Variants in ST3GAL1 observed in about 807,000 individuals in gnomAD.
ST3GAL1 encodes ST3 beta-galactoside alpha-2,3-sialyltransferase 1.
ST3GAL1 carries 16 observed loss-of-function variants against 34.1 expected under a neutral mutation model. That is an observed-to-expected ratio of 0.47 (90% confidence interval 0.32 to 0.71). The LOEUF is 0.71. ST3GAL1 is among the 30% of genes least tolerant of loss of function. The probability of loss-of-function intolerance (pLI) is 0.04; values close to 1 mark genes in which losing one functional copy is unlikely to be tolerated. For missense variants in ST3GAL1, 353 were observed against 447.4 expected, an observed-to-expected ratio of 0.79 and a Z score of 1.90; for synonymous variants, 191 against 184.7, an observed-to-expected ratio of 1.03 and a Z score of -0.28.
rs1027608757 is a variant in ST3GAL1, at chr8:133,455,500, G to A, written c.*4264C>T. On this transcript the variant is annotated 3_prime_UTR_variant, in exon 10 of 10. Coordinates refer to ENST00000522652, the MANE Select transcript of ST3GAL1 (RefSeq NM_173344.3). ...GTCAGGTAGCACCCCAGGGGTGCAG[G>A]AGCTGGTGTTTTCATGACAAACAAA... 6.6e-6 allele frequency: 1 copy of A among 152,258 alleles called. No homozygotes were observed. The highest frequency in any genetic ancestry group is 1.5e-5 in the Non-Finnish European group (1 of 68,086). 9.4% of individuals were successfully genotyped at this position (152,258 alleles called of 1,614,324 possible).
intron 2 of ST3GAL1, among the ~76,000 whole-genome samples, chr8:133,533,186 C>T (rs576143120): frequency 2.0e-5 from 3 of 152,216 alleles, no homozygotes; most frequent in East Asian, 1.9e-4. Context: ...CCGTGGAGAC[C>T]CATAGAATTC....
intron 2 of ST3GAL1, among the ~76,000 whole-genome samples, chr8:133,528,888 C>T (rs1181481729): frequency 6.6e-6 from 1 of 152,244 alleles, no homozygotes; most frequent in Non-Finnish European, 1.5e-5. Context: ...GACGGGGCAT[C>T]AGCTTCCCAA....
intron 1 of ST3GAL1, among the ~76,000 whole-genome samples, chr8:133,552,083 C>G (rs1818881112): frequency 1.3e-5 from 2 of 152,236 alleles, no homozygotes; most frequent in Non-Finnish European, 2.9e-5. Flanking sequence ...GGGCCAAGCA[C>G]TGTGTTCTGC....
intron 2 of ST3GAL1, among the ~76,000 whole-genome samples, chr8:133,510,981 T>C (rs1428904632): frequency 1.3e-5 from 2 of 152,216 alleles, no homozygotes; most frequent in Non-Finnish European, 2.9e-5. Flanking sequence ...AGTGACCTTT[T>C]CAAATAGGAT....
Position 133,460,429 on chromosome 8 carries a change from A to G in ST3GAL1, c.850-492T>C, listed in dbSNP as rs75991708. Among the ~76,000 whole-genome samples the G allele has an allele frequency of 2.1e-3, 325 of 152,340 alleles. 1 individual carries two copies. The highest frequency in any genetic ancestry group is 7.5e-3 in the African/African-American group (310 of 41,578). On this transcript the variant is annotated intron_variant, in intron 9 of 9. Transcript: ENST00000522652. ...CATCTGGAAAATGGGTCCAAGAATCATGATTGCAGTGAGGCAGAGGGCAGG... is the reference window on the plus strand; with the variant it reads ...CATCTGGAAAATGGGTCCAAGAATCGTGATTGCAGTGAGGCAGAGGGCAGG...
intron 2 of ST3GAL1, among the ~76,000 whole-genome samples, chr8:133,522,789 A>T (rs540623729): frequency 6.6e-6 from 1 of 152,258 alleles, no homozygotes; most frequent in East Asian, 1.9e-4. Context: ...CACACTAATT[A>T]CTGTCGTTAT....
At position 133,551,612 on chromosome 8, in the gene ST3GAL1, AAGAAAGAG is replaced by A. The variant is rs1383896154; in HGVS notation, c.-581-5694_-581-5687del. 2.0e-3 allele frequency among the ~76,000 whole-genome samples: 254 copies of A among 129,808 alleles called. 1 individual carries two copies. The highest frequency in any genetic ancestry group is 4.2e-3 in the Middle Eastern group (1 of 238). The allele number at this position is 129,808 out of a possible 152,430, so 85.2% of individuals were successfully genotyped here. The stretch of plus-strand genomic sequence containing the variant: ...AAAGAAAGAAAGAAAGAAAGAAAGA[AAGAAAGAG>A]CGAGCAAGCCTTTCTCTGAGTTTTA... On this transcript the variant is annotated intron_variant, in intron 1 of 9. Transcript: ENST00000522652.
intron 2 of ST3GAL1, among the ~76,000 whole-genome samples, chr8:133,506,739 C>T (rs1000389444): frequency 6.6e-6 from 1 of 151,300 alleles, no homozygotes; most frequent in Admixed American, 6.6e-5. Context: ...AAGCCGAGAT[C>T]GTGCCATTGC....
At chr8:133,562,389 T>C (rs1336608122) in intron 1 of ST3GAL1, among the ~76,000 whole-genome samples, 2 of 152,074 alleles carry the variant, frequency 1.3e-5, no homozygotes, top group African/African-American at 2.4e-5. Flanking sequence ...TTTGTATTTT[T>C]AGTAGAGATG....
intron 3 of ST3GAL1, among the ~76,000 whole-genome samples, chr8:133,487,892 C>T (rs369757692): frequency 2.0e-5 from 3 of 150,436 alleles, no homozygotes; most frequent in South Asian, 2.1e-4. Context: ...TGCTTGAACC[C>T]GGGAGGCAGA....
chr8:133,495,308 C>T (rs1394505545), intron 3 of ST3GAL1, among the ~76,000 whole-genome samples: 1 of 152,168 alleles, frequency 6.6e-6, no homozygotes, highest in African/African-American at 2.4e-5. Flanking sequence ...GTTTCTTGAA[C>T]TCAAGGGCTT....
At chr8:133,526,169 C>T (rs1449229706) in intron 2 of ST3GAL1, among the ~76,000 whole-genome samples, 2 of 152,190 alleles carry the variant, frequency 1.3e-5, no homozygotes, top group Non-Finnish European at 2.9e-5. Flanking sequence ...GGGTCAGGCT[C>T]CAGGCAGCCT....
At chr8:133,554,962 C>T (rs551897742) in intron 1 of ST3GAL1, among the ~76,000 whole-genome samples, 13 of 152,090 alleles carry the variant, frequency 8.5e-5, no homozygotes, top group African/African-American at 1.2e-4. Flanking sequence ...CTCCTGACCT[C>T]GTGATCTGCC....
chr8:133,502,910 G>A (rs909472681), intron 2 of ST3GAL1, among the ~76,000 whole-genome samples: 9 of 152,320 alleles, frequency 5.9e-5, no homozygotes, highest in South Asian at 4.1e-4. Context: ...CTGACATTGG[G>A]CTTGGCCATG....
At chr8:133,529,795 T>C (rs959411973) in intron 2 of ST3GAL1, among the ~76,000 whole-genome samples, 1 of 152,200 alleles carries the variant, frequency 6.6e-6, no homozygotes, top group African/African-American at 2.4e-5. Flanking sequence ...CATAGCTTTG[T>C]AACCCCCATT....
intron 9 of ST3GAL1, among the ~76,000 whole-genome samples, chr8:133,460,253 A>G (rs1163892107): frequency 3.9e-5 from 6 of 152,152 alleles, no homozygotes; most frequent in African/African-American, 7.2e-5. Flanking sequence ...TTGAGGAGCT[A>G]CAGAGGGAAG....
intron 1 of ST3GAL1, among the ~76,000 whole-genome samples, chr8:133,559,042 T>TGGGTGTGTGTGTGTGTGTGTGC (rs1050784691): frequency 1.3e-5 from 2 of 151,448 alleles, no homozygotes; most frequent in African/African-American, 4.9e-5. Context: ...GTTTTGTGTG[T>TGGGTGTGTGTGTGTGTGTGTGC]GTGTGTGTGT....
chr8:133,516,127 A>G (rs1407207746), intron 2 of ST3GAL1: 1 of 152,254 alleles, frequency 6.6e-6, no homozygotes, highest in Non-Finnish European at 1.5e-5. Flanking sequence ...AAGTGCTGGG[A>G]TTATAGGCAT....
Position 133,502,234 on chromosome 8 carries a change from A to G in ST3GAL1, c.-428-3045T>C, listed in dbSNP as rs141205725. Among the ~76,000 whole-genome samples the G allele has an allele frequency of 5.1e-4, 77 of 152,216 alleles. 2 individuals carry two copies. The East Asian group carries it at 0.015, about 29-fold the overall frequency. ...GGCCAGACGCTGTCCTAACCCATTT[A>G]AATCATCACAAGAGCCCTGCAGAAT... is the stretch of plus-strand genomic sequence containing the variant. On this transcript the variant is annotated intron_variant, in intron 2 of 9. Coordinates refer to ENST00000522652, the MANE Select transcript of ST3GAL1 (RefSeq NM_173344.3).
Sources: allele counts gnomAD v4.1 joint callset (sites outside exome capture counted in the v4.1 genomes callset), GRCh38; gene constraint gnomAD v4.1.1; transcripts MANE v1.5; gene names NCBI Gene and HGNC (gene_info 2026-07-23, HGNC 2026-07-21).